FNDC3B: variants seen among roughly 807,000 people sequenced by gnomAD.
FNDC3B encodes the protein fibronectin type III domain-containing protein 3B.
FNDC3B carries 12 observed loss-of-function variants against 151.5 expected under a neutral mutation model. The ratio of observed to expected loss-of-function variants is 0.08; its 90% CI spans 0.05 to 0.13. The LOEUF is 0.13. FNDC3B is among the 10% of genes least tolerant of loss of function. The pLI is 1.00. For missense variants in FNDC3B, 1,214 were observed against 1,505.3 expected, an observed-to-expected ratio of 0.81 and a Z score of 3.20; for synonymous variants, 528 against 549.0, an observed-to-expected ratio of 0.96 and a Z score of 0.54.
At chr3:172,211,423 TATA>T (rs907511621) in intron 3 of FNDC3B, among the ~76,000 whole-genome samples, 3 of 152,162 alleles carry the variant, frequency 2.0e-5, no homozygotes, top group Non-Finnish European at 4.4e-5. Context: ...AGCCCAGGGT[TATA>T]ATGATTTCCC....
At chr3:172,119,651 G>A (rs1470576705) in intron 2 of FNDC3B, among the ~76,000 whole-genome samples, 1 of 152,190 alleles carries the variant, frequency 6.6e-6, no homozygotes, top group Admixed American at 6.5e-5. Context: ...ACATTATAGG[G>A]ATTACATATG....
chr3:172,258,291 G>A (rs896010147), intron 6 of FNDC3B, among the ~76,000 whole-genome samples: 2 of 152,208 alleles, frequency 1.3e-5, no homozygotes, highest in Non-Finnish European at 2.9e-5. Context: ...CCGAAAGCCA[G>A]TGATGAGGGC....
chr3:172,153,362 C>T (rs546284952), intron 3 of FNDC3B, among the ~76,000 whole-genome samples: 2 of 152,116 alleles, frequency 1.3e-5, no homozygotes, highest in Non-Finnish European at 2.9e-5. Flanking sequence ...TTTTCCAAGC[C>T]GAGTGCTCCC....
At chr3:172,373,610 A>T (rs958143730) in intron 23 of FNDC3B, among the ~76,000 whole-genome samples, 1 of 152,244 alleles carries the variant, frequency 6.6e-6, no homozygotes, top group African/African-American at 2.4e-5. Context: ...TTCTGAAATT[A>T]AGTTGTCTTT....
At chr3:172,064,998 C>G (rs1475344192) in intron 1 of FNDC3B, among the ~76,000 whole-genome samples, 1 of 152,130 alleles carries the variant, frequency 6.6e-6, no homozygotes, top group Non-Finnish European at 1.5e-5. Context: ...TTTATTGCAA[C>G]CTTATGGGCA....
chr3:172,105,037 A>G (rs897082499), intron 1 of FNDC3B, among the ~76,000 whole-genome samples: 2 of 152,208 alleles, frequency 1.3e-5, no homozygotes, highest in African/African-American at 4.8e-5. Context: ...ATACTTTGAC[A>G]TTCCATTAGT....
intron 1 of FNDC3B, among the ~76,000 whole-genome samples, chr3:172,107,083 G>A (rs954751066): frequency 2.0e-5 from 3 of 152,130 alleles, no homozygotes; most frequent in African/African-American, 7.2e-5. Flanking sequence ...GTAACCAGTG[G>A]CTTGCTTTCT....
intron 3 of FNDC3B, among the ~76,000 whole-genome samples, chr3:172,172,232 T>C (rs1441960093): frequency 6.6e-6 from 1 of 152,188 alleles, no homozygotes; most frequent in Non-Finnish European, 1.5e-5. Context: ...TGTCTATTTC[T>C]TGTTTGTTGC....
chr3:172,095,335 G>A (rs1719044522), intron 1 of FNDC3B, among the ~76,000 whole-genome samples: 1 of 152,150 alleles, frequency 6.6e-6, no homozygotes, highest in African/African-American at 2.4e-5. Flanking sequence ...TTCAGACTTG[G>A]GATTCTGTGG....
At chr3:172,104,233 G>A (rs747612) in intron 1 of FNDC3B, among the ~76,000 whole-genome samples, 73,614 of 151,762 alleles carry the variant, frequency 0.49, 19,518 homozygotes, top group Admixed American at 0.59. Context: ...TTGAAGGGAG[G>A]AAACATACTC....
chr3:172,080,517 GT>G (rs1718228535), intron 1 of FNDC3B, among the ~76,000 whole-genome samples: 2 of 151,926 alleles, frequency 1.3e-5, no homozygotes, highest in East Asian at 3.9e-4. Context: ...GTCTCAGGCA[GT>G]CTTCCTGCCT....
chr3:172,369,156 A>T (rs1289330399), intron 23 of FNDC3B, among the ~76,000 whole-genome samples: 1 of 152,242 alleles, frequency 6.6e-6, no homozygotes, highest in Non-Finnish European at 1.5e-5. Context: ...TGAGATCTTA[A>T]TTGGACCAGA....
At chr3:172,348,809 A>C (rs1733724588) in intron 21 of FNDC3B, among the ~76,000 whole-genome samples, 1 of 152,204 alleles carries the variant, frequency 6.6e-6, no homozygotes, top group African/African-American at 2.4e-5. Flanking sequence ...AAAATGAGTC[A>C]GATCTTATGA....
intron 11 of FNDC3B, among the ~76,000 whole-genome samples, chr3:172,315,205 C>T (rs1016210531): frequency 2.6e-5 from 4 of 152,084 alleles, no homozygotes; most frequent in East Asian, 1.9e-4. Context: ...GGTGAAACCT[C>T]GTCTCTACTA....
At chr3:172,362,543 TAATA>T (rs1734419128) in intron 22 of FNDC3B, 86 bp from the exon 23 acceptor site, 1 of 969,082 alleles carries the variant, frequency 1.0e-6, no homozygotes, top group African/African-American at 1.6e-5. Flanking sequence ...TAGGGACAAG[TAATA>T]AATACTATGC....
chr3:172,338,267 T>C (rs558768743), intron 16 of FNDC3B: 6 of 144,956 alleles, frequency 4.1e-5, no homozygotes, highest in Admixed American at 2.8e-4. Context: ...TGAGCTGAGA[T>C]TGCACCACTG....
At chr3:172,196,787 C>G (rs535080303) in intron 3 of FNDC3B, among the ~76,000 whole-genome samples, 1 of 152,228 alleles carries the variant, frequency 6.6e-6, no homozygotes. Context: ...TTTTCTTGTC[C>G]AAAGAAGACA....
chr3:172,330,377 C>T (rs1732583133), intron 12 of FNDC3B, 164 bp from the exon 13 acceptor site: 1 of 535,160 alleles, frequency 1.9e-6, no homozygotes, highest in Non-Finnish European at 3.3e-6. Context: ...GATGGGGAAG[C>T]TGAAGGTGGT....
chr3:172,279,598 T>C (rs1186171800), intron 6 of FNDC3B, among the ~76,000 whole-genome samples: 2 of 152,242 alleles, frequency 1.3e-5, no homozygotes, highest in Non-Finnish European at 2.9e-5. Flanking sequence ...ATCTTTGTAT[T>C]TTTAGCATCA....
Sources: gnomAD v4.1 joint callset for allele counts (sites outside exome capture counted in the v4.1 genomes callset) on GRCh38, gnomAD v4.1.1 for gene constraint, MANE v1.5 for transcripts, NCBI Gene and HGNC (gene_info 2026-07-23, HGNC 2026-07-21) for gene names.